MBD5: variants seen among roughly 807,000 people sequenced by gnomAD.
MBD5 encodes the protein methyl-CpG-binding domain protein 5.
A neutral mutation model predicts 117.3 loss-of-function variants in MBD5; 13 were observed. That is an observed-to-expected ratio of 0.11 (90% CI 0.07 to 0.18). The LOEUF (loss-of-function observed/expected upper bound fraction) is 0.18, where lower values mean the gene tolerates loss of function less well. MBD5 is among the 10% of genes least tolerant of loss of function. The pLI, the probability that MBD5 is intolerant of heterozygous loss-of-function variation, is 1.00. For missense variants in MBD5, 1,879 were observed against 2,093.8 expected (o/e 0.90, Z 2.00); for synonymous variants, 727 against 766.4 (o/e 0.95, Z 0.85).
Position 148,288,748 on chromosome 2 carries a change from A to T in MBD5, c.-679-53466A>T, listed in dbSNP as rs1287466823. ...TGTTAGAAGTGAGTCTTGAAGTAGA[A>T]ATAATAAAAAGGAAAAAAAAACAGT... On this transcript the variant is annotated intron_variant, in intron 3 of 13. Transcript: ENST00000642680. Among the ~76,000 whole-genome samples, 3 of 152,126 alleles carry T rather than the reference A, an allele frequency of 2.0e-5. No homozygotes were observed. The East Asian group carries it at 5.8e-4, about 29-fold the overall frequency.
intron 8 of MBD5, among the ~76,000 whole-genome samples, chr2:148,475,630 A>G (rs1010724544): frequency 6.6e-6 from 1 of 152,070 alleles, no homozygotes; most frequent in African/African-American, 2.4e-5. Flanking sequence ...TTCCATTACA[A>G]CACATTGAGC....
chr2:148,410,670 G>A (rs1371453955), intron 4 of MBD5, among the ~76,000 whole-genome samples: 1 of 152,106 alleles, frequency 6.6e-6, no homozygotes, highest in Admixed American at 6.5e-5. Flanking sequence ...AACTCCAAGT[G>A]ATTCACCTGC....
intron 3 of MBD5, among the ~76,000 whole-genome samples, chr2:148,308,372 TAC>T (rs2106513841): frequency 6.6e-6 from 1 of 152,316 alleles, no homozygotes; most frequent in Admixed American, 6.5e-5. Flanking sequence ...GGTTTTGATT[TAC>T]ATTTCTCTAA....
chr2:148,188,602 G>A (rs548283688), intron 2 of MBD5, among the ~76,000 whole-genome samples: 1 of 149,422 alleles, frequency 6.7e-6, no homozygotes. Flanking sequence ...AAGATAACTT[G>A]AGCCCAGGAG....
Position 148,469,909 on chromosome 2 carries a change from T to C in MBD5, c.1966T>C (p.Leu656=). Residue 656 remains leucine, a synonymous_variant, in exon 8 of 14, where the codon TTG becomes CTG. Coordinates refer to ENST00000642680, the MANE Select transcript of MBD5 (RefSeq NM_001378120.1). ...DKLMSQQKDA[L]RKRKQPPTTV... ...GCTGATGTCTCAGCAAAAAGACGCATTGCGGAAAAGAAAACAACCACCTAC... is the reference window on the plus strand; with the variant it reads ...GCTGATGTCTCAGCAAAAAGACGCACTGCGGAAAAGAAAACAACCACCTAC... 2 of 1,613,930 alleles carry C rather than the reference T, an allele frequency of 1.2e-6. No individual in the cohort carries two copies. The highest frequency in any genetic ancestry group is 1.3e-5 in the African/African-American group (1 of 75,006).
chr2:148,268,158 C>A (rs1355584858), intron 3 of MBD5, among the ~76,000 whole-genome samples: 1 of 151,978 alleles, frequency 6.6e-6, no homozygotes, highest in East Asian at 1.9e-4. Flanking sequence ...ACCATATTGC[C>A]CAGGCTGGTC....
intron 1 of MBD5, among the ~76,000 whole-genome samples, chr2:148,161,484 G>T (rs935195611): frequency 6.6e-6 from 1 of 152,178 alleles, no homozygotes; most frequent in Non-Finnish European, 1.5e-5. Flanking sequence ...TTAGATTGAG[G>T]AAGTGTTGTC....
chr2:148,406,497 C>T (rs919330195), intron 4 of MBD5, among the ~76,000 whole-genome samples: 1 of 152,168 alleles, frequency 6.6e-6, no homozygotes, highest in Non-Finnish European at 1.5e-5. Context: ...CAATTCTCAA[C>T]ACAGCAATAA....
chr2:148,504,470 GTTGAACCAAATCAT>G (rs1681967949), intron 12 of MBD5, among the ~76,000 whole-genome samples: 1 of 152,138 alleles, frequency 6.6e-6, no homozygotes, highest in African/African-American at 2.4e-5. Context: ...TAAATTATAT[GTTGAACCAAATCAT>G]TTTTTAATTT....
At chr2:148,255,776 A>G (rs1700575793) in intron 3 of MBD5, among the ~76,000 whole-genome samples, 2 of 152,244 alleles carry the variant, frequency 1.3e-5, no homozygotes, top group South Asian at 4.1e-4. Flanking sequence ...ACATGCAAGT[A>G]TAACCCATTC....
At chr2:148,251,037 C>T (rs1341830973) in intron 3 of MBD5, among the ~76,000 whole-genome samples, 1 of 151,790 alleles carries the variant, frequency 6.6e-6, no homozygotes, top group African/African-American at 2.4e-5. Flanking sequence ...ATTTTTTACC[C>T]TGACACAATT....
chr2:148,091,327 C>T (rs1695934536), intron 1 of MBD5, among the ~76,000 whole-genome samples: 1 of 151,906 alleles, frequency 6.6e-6, no homozygotes, highest in South Asian at 2.1e-4. Flanking sequence ...CATATAGAAC[C>T]AAAAAAGAAC....
chr2:148,455,144 A>G (rs1305704739), intron 4 of MBD5, among the ~76,000 whole-genome samples: 1 of 152,142 alleles, frequency 6.6e-6, no homozygotes, highest in Non-Finnish European at 1.5e-5. Context: ...AATTCACAAG[A>G]TGAGTGTTGC....
intron 2 of MBD5, among the ~76,000 whole-genome samples, chr2:148,226,956 G>C (rs1028253648): frequency 3.9e-4 from 60 of 152,148 alleles, no homozygotes; most frequent in African/African-American, 1.3e-3. Flanking sequence ...TTTTTGATGG[G>C]GTTGTTTGTT....
intron 1 of MBD5, among the ~76,000 whole-genome samples, chr2:148,084,071 A>G (rs904630853): frequency 1.3e-5 from 2 of 152,060 alleles, no homozygotes; most frequent in African/African-American, 2.4e-5. Flanking sequence ...AATGCTTTAT[A>G]AAGTCTCTCG....
intron 2 of MBD5, among the ~76,000 whole-genome samples, chr2:148,201,324 A>T (rs549990901): frequency 1.3e-5 from 2 of 152,282 alleles, no homozygotes; most frequent in East Asian, 3.9e-4. Flanking sequence ...TGACTCCCAC[A>T]GTGGGCTCTG....
At chr2:148,066,473 T>C (rs1490874199) in intron 1 of MBD5, among the ~76,000 whole-genome samples, 2 of 151,850 alleles carry the variant, frequency 1.3e-5, no homozygotes, top group Non-Finnish European at 2.9e-5. Flanking sequence ...CTACCGCATA[T>C]ACCATTTTTT....
intron 1 of MBD5, among the ~76,000 whole-genome samples, chr2:148,116,044 A>G (rs544814166): frequency 1.3e-5 from 2 of 151,982 alleles, no homozygotes; most frequent in East Asian, 1.9e-4. Context: ...GGGTTTTGCC[A>G]TGTTGACCAG....
At chr2:148,311,986 C>T (rs1233557837) in intron 3 of MBD5, among the ~76,000 whole-genome samples, 4 of 152,202 alleles carry the variant, frequency 2.6e-5, no homozygotes, top group African/African-American at 9.7e-5. Flanking sequence ...CCCCACTCTC[C>T]TCTGGCTTGC....
Sources: allele counts gnomAD v4.1 joint callset (sites outside exome capture counted in the v4.1 genomes callset), GRCh38; gene constraint gnomAD v4.1.1; transcripts MANE v1.5; gene names NCBI Gene and HGNC (gene_info 2026-07-23, HGNC 2026-07-21).